PRKD3: variants seen among roughly 807,000 people sequenced by gnomAD.
PRKD3 encodes protein kinase D3, also known as serine/threonine-protein kinase D3.
A neutral mutation model predicts 99.2 loss-of-function variants in PRKD3; 47 were observed. The ratio of observed to expected loss-of-function variants is 0.47; its 90% confidence interval spans 0.38 to 0.60. The LOEUF is 0.60. Ranked by LOEUF, PRKD3 falls within the 20% of genes least tolerant of loss-of-function variation. The pLI is 0.00. For missense variants in PRKD3, 1,019 were observed against 1,088.4 expected (o/e 0.94, Z 0.90); for synonymous variants, 392 against 355.4 (o/e 1.10, Z -1.16).
intron 2 of PRKD3, among the ~76,000 whole-genome samples, chr2:37,313,814 A>G (rs541963519): frequency 6.6e-6 from 1 of 152,344 alleles, no homozygotes; most frequent in African/African-American, 2.4e-5. Context: ...ACAATAGGAT[A>G]AACTCACAGC....
At chr2:37,307,721 T>TAAC (rs139323223) in intron 2 of PRKD3, among the ~76,000 whole-genome samples, 19 of 152,214 alleles carry the variant, frequency 1.2e-4, no homozygotes, top group African/African-American at 3.9e-4. Flanking sequence ...TGGCTTATGC[T>TAAC]AACAACAACA....
At chr2:37,254,618 A>C (rs1361486373) in intron 17 of PRKD3, among the ~76,000 whole-genome samples, 1 of 152,212 alleles carries the variant, frequency 6.6e-6, no homozygotes, top group Non-Finnish European at 1.5e-5. Context: ...ATTATGCCTC[A>C]GTTTCCTCAT....
chr2:37,276,002 G>A (rs917937757), intron 9 of PRKD3, among the ~76,000 whole-genome samples, 158 bp from the exon 10 acceptor site: 1 of 152,046 alleles, frequency 6.6e-6, no homozygotes, highest in Non-Finnish European at 1.5e-5. Context: ...AAGGATGTAT[G>A]GTGAAAAGTA....
chr2:37,290,161 T>C (rs986017301), intron 4 of PRKD3, among the ~76,000 whole-genome samples: 3 of 152,170 alleles, frequency 2.0e-5, no homozygotes, highest in Non-Finnish European at 4.4e-5. Context: ...TCATCAGAAA[T>C]GTGCACCTGT....
rs6544066 is a variant in PRKD3 at position 37,316,228 on chromosome 2, A to G, written c.288+9T>C. 495,956 of 1,598,424 alleles carry G rather than the reference A, an allele frequency of 0.31. 82,354 individuals carry two copies. The highest frequency in any genetic ancestry group is 0.53 in the East Asian group (23,926 of 44,798). The stretch of plus-strand genomic sequence containing the variant: ...TATTATTTACTACTGATAATAGCAC[A>G]CACAGTACCTTTTGATAAACTATGG... On this transcript the variant is annotated intron_variant, in intron 2 of 18. Transcript: ENST00000234179.
intron 5 of PRKD3, 33 bp from the exon 6 acceptor site, chr2:37,286,402 C>A (rs374002420): frequency 6.3e-7 from 1 of 1,576,372 alleles, no homozygotes; most frequent in South Asian, 1.1e-5. Context: ...AAGTGTAAGT[C>A]AATATTAAAA....
Position 37,275,850 on chromosome 2 carries a change from AAATG to A in PRKD3, c.1297-10_1297-7del. On this transcript the variant is annotated splice_region_variant and splice_polypyrimidine_tract_variant and intron_variant, in intron 9 of 18. Transcript: ENST00000234179. Reference sequence around the variant, plus strand: ...CTCCAATAATGCCTCTTTCTCTATAAAATGAAGATTGGAAAACTGTGAGGTTCAA... The same window carrying A: ...CTCCAATAATGCCTCTTTCTCTATAAAAGATTGGAAAACTGTGAGGTTCAA... 1 of 1,603,258 alleles carries A rather than the reference AAATG, an allele frequency of 6.2e-7. No homozygotes were observed.
intron 2 of PRKD3, among the ~76,000 whole-genome samples, chr2:37,298,243 C>A (rs1670759115): frequency 1.3e-5 from 2 of 152,178 alleles, no homozygotes; most frequent in African/African-American, 4.8e-5. Context: ...CTGTAGTCAA[C>A]AGTGTTGCCA....
At chr2:37,294,332 G>A (rs939738716) in intron 2 of PRKD3, among the ~76,000 whole-genome samples, 1 of 152,112 alleles carries the variant, frequency 6.6e-6, no homozygotes, top group Non-Finnish European at 1.5e-5. Flanking sequence ...CTAGACTCAA[G>A]TGATTCCCCC....
At chr2:37,289,153 G>C (rs1489291529) in intron 5 of PRKD3, among the ~76,000 whole-genome samples, 3 of 151,692 alleles carry the variant, frequency 2.0e-5, no homozygotes, top group African/African-American at 7.3e-5. Context: ...AGTGGTACAA[G>C]CCATAATACC....
chr2:37,292,974 T>A (rs1277548289), intron 3 of PRKD3, 159 bp downstream of exon 3: 2 of 797,182 alleles, frequency 2.5e-6, no homozygotes, highest in Admixed American at 5.8e-5. Context: ...TGATATAACA[T>A]GCCTGAAAGG....
intron 7 of PRKD3, chr2:37,282,338 G>C (rs3821144): frequency 7.5e-6 from 4 of 533,464 alleles, no homozygotes; most frequent in African/African-American, 5.7e-5. Context: ...CAAAGTAACA[G>C]GTGGCCAGAG....
At chr2:37,285,416 C>T (rs969500453) in intron 6 of PRKD3, among the ~76,000 whole-genome samples, 8 of 152,076 alleles carry the variant, frequency 5.3e-5, no homozygotes, top group East Asian at 1.9e-4. Flanking sequence ...TATCCAAATA[C>T]GGGTGGGTCC....
At chr2:37,253,386 GAAAC>G (rs1667667985) in intron 18 of PRKD3, 36 bp from the exon 19 acceptor site, 2 of 1,546,210 alleles carry the variant, frequency 1.3e-6, no homozygotes, top group Admixed American at 3.7e-5. Context: ...TGAAACAAAA[GAAAC>G]AAAATACTGT....
At chr2:37,298,252 C>T (rs1670759843) in intron 2 of PRKD3, among the ~76,000 whole-genome samples, 1 of 152,144 alleles carries the variant, frequency 6.6e-6, no homozygotes, top group Admixed American at 6.5e-5. Flanking sequence ...ACAGTGTTGC[C>T]AGTTTTCTCA....
intron 3 of PRKD3, among the ~76,000 whole-genome samples, chr2:37,291,261 T>A (rs1274113632): frequency 6.6e-6 from 1 of 152,166 alleles, no homozygotes; most frequent in African/African-American, 2.4e-5. Flanking sequence ...AATGACAAGA[T>A]TACAAACAGA....
rs1558568289 is a variant in PRKD3, at chr2:37,299,550, ACACACACAC to A, written c.289-6288_289-6280del. ...CACACACACACACACACACACACAC[ACACACACAC>A]AAGCTTCTGCAAGGAAATAATTAAC... is the stretch of plus-strand genomic sequence containing the variant. On this transcript the variant is annotated intron_variant, in intron 2 of 18. Coordinates refer to ENST00000234179, the MANE Select transcript of PRKD3 (RefSeq NM_005813.6). Among the ~76,000 whole-genome samples, 4 of 122,730 alleles carry A rather than the reference ACACACACAC, an allele frequency of 3.3e-5. No homozygotes were observed. The Admixed American group carries it at 3.3e-4, about 10-fold the overall frequency. The allele number at this position is 122,730 out of a possible 152,430, so 80.5% of individuals were successfully genotyped here.
chr2:37,269,296 AATAAGCCC>A, intron 13 of PRKD3: 1 of 307,514 alleles, frequency 3.3e-6, no homozygotes, highest in Non-Finnish European at 6.4e-6. Context: ...TACTTCAATG[AATAAGCCC>A]ACTCAGCCCA....
Position 37,282,574 on chromosome 2 carries a change from CTT to C in PRKD3, c.954_955del (p.Asp320LeufsTer25). ...GAAAGTAACCTCTCCAAGGCAGTCTCTTGGTACTTTTGATGCACAGCGTTTAT... is the reference window on the plus strand; with the variant it reads ...GAAAGTAACCTCTCCAAGGCAGTCTCGGTACTTTTGATGCACAGCGTTTAT... On this transcript the variant is annotated frameshift_variant, in exon 7 of 19. Coordinates refer to ENST00000234179, the MANE Select transcript of PRKD3 (RefSeq NM_005813.6). LOFTEE classifies it high-confidence loss of function. The C allele has an allele frequency of 6.2e-7, 1 of 1,602,554 alleles. No homozygotes were observed. Among genetic ancestry groups the C allele is most frequent in the Non-Finnish European group, 8.5e-7 (1 of 1,169,672 alleles).
Sources: gnomAD v4.1 joint callset for allele counts (sites outside exome capture counted in the v4.1 genomes callset) on GRCh38, gnomAD v4.1.1 for gene constraint, MANE v1.5 for transcripts, NCBI Gene and HGNC (gene_info 2026-07-23, HGNC 2026-07-21) for gene names.